The following NCOA7 variants were observed in gnomAD, a reference collection of about 807,000 sequenced individuals.
NCOA7 encodes 140 kDa estrogen receptor-associated protein.
Under a neutral mutation model 104.3 loss-of-function variants are expected in NCOA7, and 45 were observed. The observed-to-expected ratio is 0.43, with a 90% confidence interval of 0.34 to 0.55. NCOA7 has a LOEUF of 0.55. NCOA7 is among the 20% of genes least tolerant of loss of function. The probability of loss-of-function intolerance (pLI) is 0.02; values close to 1 mark genes in which losing one functional copy is unlikely to be tolerated. For synonymous variants in NCOA7, 398 were observed against 402.3 expected (o/e 0.99, Z 0.13); for missense variants, 1,041 against 1,119.7 (o/e 0.93, Z 1.00).
chr6:125,875,006 G>T (rs897467378), intron 4 of NCOA7, 38 bp downstream of exon 4: 4 of 1,430,948 alleles, frequency 2.8e-6, no homozygotes, highest in Non-Finnish European at 3.9e-6. Flanking sequence ...TTTGTTAATA[G>T]CACTACATTT....
Position 125,855,082 on chromosome 6 carries a change from C to G in NCOA7, c.113C>G (p.Thr38Ser), listed in dbSNP as rs770909278. The change falls in exon 3 of 16, where the codon ACT becomes AGT. Residue 38 changes from threonine (T) to serine (S), a missense_variant. Thr to Ser is a moderately conservative substitution (Grantham distance 58, BLOSUM62 1). Transcript: ENST00000392477. ...ACAGCCTCAGCTGTAGCTACAAGGA[C>G]TCATACTGGGAAGGAAGATAATAAT... ...AETASAVATR[T>S]HTGKEDNNTV... The G allele has an allele frequency of 1.2e-6, 2 of 1,613,056 alleles. No individual in the cohort carries two copies. The highest frequency in any genetic ancestry group is 4.5e-5 in the East Asian group (2 of 44,836).
At chr6:125,846,361 ATTTTT>A (rs139496689) in intron 2 of NCOA7, among the ~76,000 whole-genome samples, 54 of 148,308 alleles carry the variant, frequency 3.6e-4, no homozygotes, top group South Asian at 1.9e-3. Context: ...AGAAAAAAAA[ATTTTT>A]TTTTTTTTTT....
intron 1 of NCOA7, among the ~76,000 whole-genome samples, chr6:125,813,185 A>T (rs1420937393): frequency 6.6e-6 from 1 of 152,148 alleles, no homozygotes. Flanking sequence ...GGATTTGGTA[A>T]TGGCTCTGCA....
chr6:125,833,102 G>A (rs1035217211), intron 2 of NCOA7, among the ~76,000 whole-genome samples: 4 of 152,202 alleles, frequency 2.6e-5, no homozygotes, highest in Non-Finnish European at 4.4e-5. Context: ...TTGTGTTGCC[G>A]CAGAGTGAAA....
intron 2 of NCOA7, among the ~76,000 whole-genome samples, chr6:125,823,112 C>A (rs995280168): frequency 6.6e-6 from 1 of 152,168 alleles, no homozygotes; most frequent in African/African-American, 2.4e-5. Context: ...CAGCACTGCT[C>A]AAGGACACTC....
At chr6:125,916,724 A>T (rs1787120415) in intron 11 of NCOA7, among the ~76,000 whole-genome samples, 1 of 152,276 alleles carries the variant, frequency 6.6e-6, no homozygotes, top group Non-Finnish European at 1.5e-5. Flanking sequence ...ATCCTGGATG[A>T]ACCCACCCTC....
At position 125,830,731 on chromosome 6, in the gene NCOA7, A is replaced by ATG. The variant is rs1361060849; in HGVS notation, c.50+15328_50+15329insGT. On this transcript the variant is annotated intron_variant, in intron 2 of 15. Transcript: ENST00000392477. ...CTCTCTCTATATATTTTATATATAT[A>ATG]TATATATGTGTGTGTGTGTGTGTGT... Among the ~76,000 whole-genome samples the ATG allele has an allele frequency of 2.0e-4, 23 of 116,842 alleles. No individual in the cohort carries two copies. In the East Asian group the frequency reaches 3.8e-3, roughly 19 times the overall value. The allele number at this position is 116,842 out of a possible 152,430, so 76.7% of individuals were successfully genotyped here. A position where few individuals can be genotyped will look rare whatever the true frequency, so the allele number is the denominator to read the frequency against.
intron 10 of NCOA7, among the ~76,000 whole-genome samples, chr6:125,901,995 A>T (rs1223260352): frequency 6.6e-6 from 1 of 152,086 alleles, no homozygotes; most frequent in African/African-American, 2.4e-5. Flanking sequence ...TCCTCTCAGC[A>T]TTCAGGCGCT....
intron 13 of NCOA7, among the ~76,000 whole-genome samples, chr6:125,923,058 G>A (rs2128699009): frequency 6.6e-6 from 1 of 152,256 alleles, no homozygotes; most frequent in African/African-American, 2.4e-5. Context: ...TCTCCAAAAT[G>A]CAAATGGATC....
At chr6:125,885,131 G>A in intron 7 of NCOA7, 28 bp from the exon 8 acceptor site, 1 of 1,609,994 alleles carries the variant, frequency 6.2e-7, no homozygotes, top group Non-Finnish European at 8.5e-7. Flanking sequence ...TGCCTGAAGT[G>A]ATTCTGTCCT....
chr6:125,810,208 C>A (rs1176351905), intron 1 of NCOA7: 1 of 152,108 alleles, frequency 6.6e-6, no homozygotes, highest in Non-Finnish European at 1.5e-5. Context: ...AGCTGTGTGA[C>A]CCACAGCTGT....
At chr6:125,912,515 A>G (rs900176468) in intron 10 of NCOA7, among the ~76,000 whole-genome samples, 4 of 152,236 alleles carry the variant, frequency 2.6e-5, no homozygotes, top group African/African-American at 4.8e-5. Flanking sequence ...TCACTATTGT[A>G]TGGAGGCTGT....
chr6:125,882,303 C>T (rs1188132076), intron 6 of NCOA7, 123 bp from the exon 7 acceptor site: 14 of 936,770 alleles, frequency 1.5e-5, no homozygotes, highest in Non-Finnish European at 1.4e-5. Context: ...GGATATTTGC[C>T]TTTTTAATGT....
At chr6:125,924,260 G>A (rs1024790134) in intron 13 of NCOA7, among the ~76,000 whole-genome samples, 3 of 152,194 alleles carry the variant, frequency 2.0e-5, no homozygotes, top group African/African-American at 7.2e-5. Context: ...GAATGTGATG[G>A]TTCACACAGA....
chr6:125,826,057 G>T (rs1380030727), intron 2 of NCOA7, among the ~76,000 whole-genome samples: 1 of 152,148 alleles, frequency 6.6e-6, no homozygotes, highest in Non-Finnish European at 1.5e-5. Flanking sequence ...TGAGCGCAGT[G>T]GGTCACGCCT....
At position 125,910,969 on chromosome 6, in the gene NCOA7, A is replaced by T. The variant is rs768427660; in HGVS notation, c.2097-4364A>T. On this transcript the variant is annotated intron_variant, in intron 10 of 15. Coordinates refer to ENST00000392477, the MANE Select transcript of NCOA7 (RefSeq NM_181782.5). ...AATAATGTTGGGGTGATCAGACCCA[A>T]CACCAGGTCGTGGGGGTGACAAAGT... Among the ~76,000 whole-genome samples the T allele has an allele frequency of 6.6e-5, 10 of 152,348 alleles. No homozygotes were observed. In the South Asian group the frequency reaches 2.1e-3, roughly 32 times the overall value.
At chr6:125,834,448 T>C (rs1206865515) in intron 2 of NCOA7, among the ~76,000 whole-genome samples, 1 of 152,210 alleles carries the variant, frequency 6.6e-6, no homozygotes, top group Non-Finnish European at 1.5e-5. Context: ...GGAAAATATC[T>C]TAAAAACAAC....
At chr6:125,806,847 A>G (rs1020202661) in intron 1 of NCOA7, among the ~76,000 whole-genome samples, 9 of 152,376 alleles carry the variant, frequency 5.9e-5, no homozygotes, top group Middle Eastern at 3.4e-3. Flanking sequence ...TGATGATTTT[A>G]TAAAATTAAG....
intron 1 of NCOA7, among the ~76,000 whole-genome samples, chr6:125,814,407 C>T (rs1215109304): frequency 1.3e-5 from 2 of 152,170 alleles, no homozygotes; most frequent in African/African-American, 2.4e-5. Flanking sequence ...CTGCCTGCCT[C>T]GGCCTCCCAA....
Sources: gnomAD v4.1 joint callset for allele counts (sites outside exome capture counted in the v4.1 genomes callset) on GRCh38, gnomAD v4.1.1 for gene constraint, MANE v1.5 for transcripts, NCBI Gene and HGNC (gene_info 2026-07-23, HGNC 2026-07-21) for gene names.